Variants in CADM1 observed in about 807,000 individuals in gnomAD.
CADM1 encodes the protein TSLC-1.
In CADM1, 15 loss-of-function variants were observed where a neutral mutation model predicts 53.1. The observed-to-expected ratio is 0.28, with a 90% CI of 0.19 to 0.44. CADM1 has a LOEUF of 0.44. CADM1 is among the 20% of genes least tolerant of loss of function. CADM1 has a pLI of 1.00. For synonymous variants in CADM1, 281 were observed against 243.0 expected, an observed-to-expected ratio of 1.16 and a Z score of -1.45; for missense variants, 434 against 611.3, an observed-to-expected ratio of 0.71 and a Z score of 3.06.
rs567066296 is a variant in CADM1 at position 115,350,872 on chromosome 11, C to T, written c.125-110452G>A. Among the ~76,000 whole-genome samples, 4 of 149,822 alleles carry T rather than the reference C, an allele frequency of 2.7e-5. No individual in the cohort carries two copies. The South Asian group carries it at 8.4e-4, about 32-fold the overall frequency. On this transcript the variant is annotated intron_variant, in intron 1 of 11. Transcript: ENST00000331581. ...GGAAAGTCACGTTTAAAATCGCTAT[C>T]ATGGATTAGCTTAAGGCAATTATTT...
At chr11:115,320,090 A>G (rs1315452630) in intron 1 of CADM1, among the ~76,000 whole-genome samples, 1 of 152,132 alleles carries the variant, frequency 6.6e-6, no homozygotes. Context: ...TAGAGACAGT[A>G]TCTCGCTCTG....
chr11:115,449,882 GATTTT>G (rs1948534054), intron 1 of CADM1, among the ~76,000 whole-genome samples: 1 of 152,058 alleles, frequency 6.6e-6, no homozygotes, highest in Non-Finnish European at 1.5e-5. Context: ...CATTTTGCTA[GATTTT>G]ATTTTTCATT....
At chr11:115,388,745 T>C (rs1946762451) in intron 1 of CADM1, among the ~76,000 whole-genome samples, 1 of 152,156 alleles carries the variant, frequency 6.6e-6, no homozygotes, top group East Asian at 1.9e-4. Context: ...TGTATATTTT[T>C]TAATGTCAAT....
chr11:115,201,819 G>A (rs2134694646), intron 8 of CADM1, among the ~76,000 whole-genome samples: 1 of 152,216 alleles, frequency 6.6e-6, no homozygotes, highest in South Asian at 2.1e-4. Flanking sequence ...GCCTAGCTGA[G>A]CTACTGTCTC....
chr11:115,182,705 G>T (rs192527509), intron 10 of CADM1, among the ~76,000 whole-genome samples: 3 of 152,128 alleles, frequency 2.0e-5, no homozygotes, highest in Non-Finnish European at 2.9e-5. Context: ...CTCTGTAGTC[G>T]AGGGCTTCAG....
chr11:115,336,255 T>C (rs956967502), intron 1 of CADM1, among the ~76,000 whole-genome samples: 7 of 152,116 alleles, frequency 4.6e-5, no homozygotes, highest in African/African-American at 1.7e-4. Flanking sequence ...TTCCCCACCA[T>C]TGCTTTTGCA....
At chr11:115,305,784 G>A (rs1180721891) in intron 1 of CADM1, among the ~76,000 whole-genome samples, 1 of 150,094 alleles carries the variant, frequency 6.7e-6, no homozygotes, top group Non-Finnish European at 1.5e-5. Context: ...AGTGACTCAT[G>A]TTAGAGCTAG....
At chr11:115,187,919 G>A (rs1373579805) in intron 10 of CADM1, among the ~76,000 whole-genome samples, 2 of 152,178 alleles carry the variant, frequency 1.3e-5, no homozygotes, top group African/African-American at 4.8e-5. Flanking sequence ...GAGTTTTCCA[G>A]ATCACTTTCT....
intron 1 of CADM1, among the ~76,000 whole-genome samples, chr11:115,403,569 C>G (rs2135222018): frequency 6.6e-6 from 1 of 151,822 alleles, no homozygotes; most frequent in Admixed American, 6.6e-5. Flanking sequence ...TTTGGTAAGT[C>G]TGAAAATAGT....
intron 1 of CADM1, among the ~76,000 whole-genome samples, chr11:115,378,608 C>A (rs1946497454): frequency 2.0e-5 from 3 of 151,978 alleles, no homozygotes; most frequent in African/African-American, 7.3e-5. Context: ...ATCCAGCTCA[C>A]CATGTGCTTT....
intron 1 of CADM1, among the ~76,000 whole-genome samples, chr11:115,388,621 G>A (rs1462910683): frequency 6.6e-6 from 1 of 151,980 alleles, no homozygotes; most frequent in Non-Finnish European, 1.5e-5. Flanking sequence ...TAATAGTGAA[G>A]GACATGTTAC....
intron 5 of CADM1, among the ~76,000 whole-genome samples, chr11:115,225,680 T>A (rs757314476): frequency 6.6e-6 from 1 of 152,212 alleles, no homozygotes; most frequent in Non-Finnish European, 1.5e-5. Context: ...ATGGTAGCAC[T>A]CCATTTTAAG....
chr11:115,367,296 G>T (rs1206422960), intron 1 of CADM1, among the ~76,000 whole-genome samples: 1 of 152,150 alleles, frequency 6.6e-6, no homozygotes, highest in East Asian at 1.9e-4. Context: ...CGTTGTTAGA[G>T]ATTAAAAAAC....
chr11:115,391,586 C>A (rs1334160784), intron 1 of CADM1, among the ~76,000 whole-genome samples: 1 of 152,128 alleles, frequency 6.6e-6, no homozygotes, highest in Non-Finnish European at 1.5e-5. Flanking sequence ...AGAGAGGAAT[C>A]CAGAAATTTC....
At chr11:115,426,356 G>A (rs1483293516) in intron 1 of CADM1, among the ~76,000 whole-genome samples, 1 of 152,128 alleles carries the variant, frequency 6.6e-6, no homozygotes, top group Non-Finnish European at 1.5e-5. Flanking sequence ...TTTTCACAGA[G>A]ACTTTTGATT....
intron 1 of CADM1, among the ~76,000 whole-genome samples, chr11:115,364,845 C>T (rs933270861): frequency 2.0e-5 from 3 of 152,144 alleles, no homozygotes; most frequent in African/African-American, 7.2e-5. Flanking sequence ...CAATTCAGAA[C>T]TTATTAATGT....
Position 115,207,697 on chromosome 11 carries a change from C to T in CADM1, c.1078+1877G>A, listed in dbSNP as rs576741206. The stretch of plus-strand genomic sequence containing the variant: ...TACCACGTGAATAAGGTCTCGACTG[C>T]CTTAAAATGTAAACCTGGATAGCTA... On this transcript the variant is annotated intron_variant, in intron 8 of 11. Coordinates refer to ENST00000331581, the MANE Select transcript of CADM1 (RefSeq NM_001301043.2). Among the ~76,000 whole-genome samples, 7 of 152,210 alleles carry T rather than the reference C, an allele frequency of 4.6e-5. No homozygotes were observed. The East Asian group carries it at 1.2e-3, about 25-fold the overall frequency.
intron 1 of CADM1, among the ~76,000 whole-genome samples, chr11:115,400,399 G>A (rs1490625305): frequency 6.6e-6 from 1 of 151,450 alleles, no homozygotes; most frequent in African/African-American, 2.4e-5. Flanking sequence ...ATTGGTATAT[G>A]ATGAGACGTC....
At chr11:115,472,842 A>G (rs567427303) in intron 1 of CADM1, among the ~76,000 whole-genome samples, 2 of 152,352 alleles carry the variant, frequency 1.3e-5, no homozygotes, top group East Asian at 3.9e-4. Context: ...AAAGATATTG[A>G]AAATTAATTA....
Sources: allele counts gnomAD v4.1 joint callset (sites outside exome capture counted in the v4.1 genomes callset), GRCh38; gene constraint gnomAD v4.1.1; transcripts MANE v1.5; gene names NCBI Gene and HGNC (gene_info 2026-07-23, HGNC 2026-07-21).